Variants in AMPH observed in about 807,000 individuals in gnomAD.
AMPH encodes amphiphysin, also known as amphiphysin (Stiff-Mann syndrome with breast cancer 128kD autoantigen).
Under a neutral mutation model 99.1 loss-of-function variants are expected in AMPH, and 49 were observed. That is an observed-to-expected ratio of 0.49 (90% CI 0.39 to 0.63). AMPH has a LOEUF of 0.63. Ranked by LOEUF, AMPH falls within the 20% of genes least tolerant of loss-of-function variation. The probability of loss-of-function intolerance (pLI) is 0.00; values close to 1 mark genes in which losing one functional copy is unlikely to be tolerated. For synonymous variants in AMPH, 314 were observed against 317.3 expected, an observed-to-expected ratio of 0.99 and a Z score of 0.11; for missense variants, 759 against 863.4, an observed-to-expected ratio of 0.88 and a Z score of 1.52.
intron 1 of AMPH, among the ~76,000 whole-genome samples, chr7:38,620,110 C>T (rs2129070042): frequency 6.6e-6 from 1 of 152,078 alleles, no homozygotes; most frequent in South Asian, 2.1e-4. Context: ...GAAAGATTCT[C>T]TTCCCTAATT....
chr7:38,545,112 G>T (rs1037818807), intron 1 of AMPH, among the ~76,000 whole-genome samples: 3 of 152,194 alleles, frequency 2.0e-5, no homozygotes, highest in African/African-American at 7.2e-5. Context: ...CCATACATGT[G>T]CCAGCAATGT....
intron 11 of AMPH, among the ~76,000 whole-genome samples, chr7:38,448,922 C>A (rs1212694768): frequency 6.6e-6 from 1 of 152,144 alleles, no homozygotes; most frequent in Non-Finnish European, 1.5e-5. Context: ...TGGTAGGCTG[C>A]AAAATCATTC....
chr7:38,405,773 G>GGAGGAC (rs1253150654), intron 17 of AMPH, among the ~76,000 whole-genome samples: 1 of 152,076 alleles, frequency 6.6e-6, no homozygotes, highest in Non-Finnish European at 1.5e-5. Context: ...CAATAATAAT[G>GGAGGAC]GAGGACTTCA....
At chr7:38,450,893 C>CT (rs1161257005) in intron 11 of AMPH, among the ~76,000 whole-genome samples, 22,813 of 144,310 alleles carry the variant, frequency 0.16, 1,772 homozygotes, top group Middle Eastern at 0.28. Flanking sequence ...AAAACACTTT[C>CT]TTTTTTTTTT....
chr7:38,554,940 A>G (rs544268644), intron 1 of AMPH, among the ~76,000 whole-genome samples: 6 of 152,308 alleles, frequency 3.9e-5, no homozygotes, highest in African/African-American at 9.6e-5. Context: ...TACACTTTCA[A>G]TGTGAATTAA....
intron 1 of AMPH, among the ~76,000 whole-genome samples, chr7:38,571,254 AT>A (rs546226263): frequency 0.026 from 1,865 of 72,366 alleles, 52 homozygotes; most frequent in Middle Eastern, 0.086. Flanking sequence ...ATAAATATAT[AT>A]TAAATATATA....
intron 17 of AMPH, among the ~76,000 whole-genome samples, chr7:38,400,381 C>T (rs1005376090): frequency 6.6e-5 from 10 of 152,206 alleles, no homozygotes; most frequent in African/African-American, 2.4e-4. Context: ...CCCAGCCCCT[C>T]ATTGCTTTCT....
intron 11 of AMPH, among the ~76,000 whole-genome samples, chr7:38,458,291 C>A (rs1200801720): frequency 6.6e-6 from 1 of 152,060 alleles, no homozygotes; most frequent in Non-Finnish European, 1.5e-5. Context: ...CCAACCCTAT[C>A]AATACCAGTC....
At chr7:38,588,886 T>G (rs1297895801) in intron 1 of AMPH, among the ~76,000 whole-genome samples, 1 of 152,162 alleles carries the variant, frequency 6.6e-6, no homozygotes, top group East Asian at 1.9e-4. Context: ...AATTGAATAC[T>G]TAATGGGCAT....
intron 1 of AMPH, among the ~76,000 whole-genome samples, chr7:38,596,699 C>T (rs1420933821): frequency 6.6e-6 from 1 of 152,060 alleles, no homozygotes; most frequent in African/African-American, 2.4e-5. Flanking sequence ...TTTATTTTTT[C>T]AAACCAGAAA....
intron 1 of AMPH, among the ~76,000 whole-genome samples, chr7:38,608,250 G>C (rs373461960): frequency 1.3e-5 from 2 of 152,142 alleles, no homozygotes; most frequent in African/African-American, 4.8e-5. Flanking sequence ...TCTGAGCACG[G>C]CTCCCGGTCA....
chr7:38,427,082 A>T lies in AMPH; in HGVS notation c.1183-96T>A, dbSNP rs1785806294. ...TTAGACAAGTTGGAAAGTAAAGACTATCACAAGTTTTAAAATAATACAAAA... is the reference window on the plus strand; with the variant it reads ...TTAGACAAGTTGGAAAGTAAAGACTTTCACAAGTTTTAAAATAATACAAAA... On this transcript the variant is annotated intron_variant, in intron 14 of 20. Transcript: ENST00000356264. 3.5e-6 allele frequency: 4 copies of T among 1,130,996 alleles called. No homozygotes were observed. In the South Asian group the frequency reaches 5.4e-5, roughly 15 times the overall value. 70.1% of individuals were successfully genotyped at this position (1,130,996 alleles called of 1,614,324 possible).
chr7:38,397,211 T>A (rs1784695658), intron 17 of AMPH, among the ~76,000 whole-genome samples: 1 of 152,262 alleles, frequency 6.6e-6, no homozygotes, highest in Non-Finnish European at 1.5e-5. Context: ...TATACATATA[T>A]GTTCCAACCA....
chr7:38,602,907 T>A (rs1378265471), intron 1 of AMPH, among the ~76,000 whole-genome samples: 1 of 152,106 alleles, frequency 6.6e-6, no homozygotes, highest in African/African-American at 2.4e-5. Flanking sequence ...AAATTACTGG[T>A]GTATCGTCTT....
intron 1 of AMPH, among the ~76,000 whole-genome samples, chr7:38,555,605 T>A (rs973379883): frequency 5.9e-5 from 9 of 152,182 alleles, no homozygotes; most frequent in Admixed American, 5.9e-4. Context: ...ATGCTAGGCT[T>A]AATAATAAAT....
At chr7:38,479,458 C>G (rs1008581037) in intron 5 of AMPH, among the ~76,000 whole-genome samples, 1 of 151,620 alleles carries the variant, frequency 6.6e-6, no homozygotes, top group East Asian at 1.9e-4. Flanking sequence ...AAAATGAGTA[C>G]CAGAAATGAT....
At chr7:38,418,020 T>G (rs1016889768) in intron 16 of AMPH, 70 bp from the exon 17 acceptor site, 1 of 1,497,978 alleles carries the variant, frequency 6.7e-7, no homozygotes, top group African/African-American at 1.4e-5. Flanking sequence ...TACAGAATAC[T>G]GGACAATTAA....
chr7:38,397,930 G>T (rs1384167233), intron 17 of AMPH, among the ~76,000 whole-genome samples: 1 of 152,026 alleles, frequency 6.6e-6, no homozygotes, highest in Non-Finnish European at 1.5e-5. Flanking sequence ...GATCATCAGA[G>T]AAATGCAAAT....
intron 17 of AMPH, among the ~76,000 whole-genome samples, chr7:38,407,076 ATGTGTGTGTGTGTGTGTGTGTG>A (rs70975098): frequency 0.016 from 318 of 19,718 alleles, 13 homozygotes; most frequent in Non-Finnish European, 0.022. Flanking sequence ...ATATATATAT[ATGTGTGTGTGTGTGTGTGTGTG>A]TGTGTGTGTG....
Sources: allele counts gnomAD v4.1 joint callset (sites outside exome capture counted in the v4.1 genomes callset), GRCh38; gene constraint gnomAD v4.1.1; transcripts MANE v1.5; gene names NCBI Gene and HGNC (gene_info 2026-07-23, HGNC 2026-07-21).